Variants in SLC25A12 observed in about 807,000 individuals in gnomAD.
SLC25A12 encodes the protein electrogenic aspartate/glutamate antiporter SLC25A12, mitochondrial.
In SLC25A12, 32 loss-of-function variants were observed where a neutral mutation model predicts 83.3. That is an observed-to-expected ratio of 0.38 (90% CI 0.29 to 0.52). The LOEUF (loss-of-function observed/expected upper bound fraction) is 0.52, where lower values mean the gene tolerates loss of function less well. Among genes scored for constraint, SLC25A12 ranks in the 20% least tolerant of loss-of-function variants. The pLI is 0.84. For missense variants in SLC25A12, 611 were observed against 835.6 expected (o/e 0.73, Z 3.31); for synonymous variants, 267 against 291.1 (o/e 0.92, Z 0.84).
chr2:171,839,335 A>C (rs990798479), intron 5 of SLC25A12, among the ~76,000 whole-genome samples: 2 of 152,224 alleles, frequency 1.3e-5, no homozygotes, highest in Admixed American at 1.3e-4. Flanking sequence ...CATCCTAATG[A>C]AGAAAAACAA....
intron 8 of SLC25A12, among the ~76,000 whole-genome samples, chr2:171,828,539 A>T (rs1367694155): frequency 6.6e-6 from 1 of 152,130 alleles, no homozygotes; most frequent in Non-Finnish European, 1.5e-5. Context: ...TCACCAGATT[A>T]TTTTTATAGA....
intron 10 of SLC25A12, among the ~76,000 whole-genome samples, chr2:171,814,402 A>C (rs967515480): frequency 6.6e-5 from 10 of 152,038 alleles, no homozygotes; most frequent in African/African-American, 2.4e-4. Context: ...AGGAAAACAT[A>C]CAAGCAGAAA....
intron 4 of SLC25A12, among the ~76,000 whole-genome samples, chr2:171,847,696 C>A (rs1393104406): frequency 6.6e-6 from 1 of 152,152 alleles, no homozygotes; most frequent in African/African-American, 2.4e-5. Flanking sequence ...GTATTTTATA[C>A]TAGGTTGGCA....
chr2:171,848,829 G>A (rs1248214848), intron 4 of SLC25A12, among the ~76,000 whole-genome samples: 1 of 152,170 alleles, frequency 6.6e-6, no homozygotes, highest in African/African-American at 2.4e-5. Flanking sequence ...CTACTGCACA[G>A]TCAATAGAGT....
intron 2 of SLC25A12, among the ~76,000 whole-genome samples, chr2:171,888,092 T>C (rs1427259095): frequency 6.6e-6 from 1 of 150,654 alleles, no homozygotes; most frequent in African/African-American, 2.4e-5. Flanking sequence ...TTTTCTTTTT[T>C]CCTTTTTTTT....
At chr2:171,794,214 T>C (rs1214779284) in intron 13 of SLC25A12, among the ~76,000 whole-genome samples, 2 of 152,192 alleles carry the variant, frequency 1.3e-5, no homozygotes, top group Non-Finnish European at 2.9e-5. Context: ...GTGGTAAGCG[T>C]TCTTGGCAGC....
intron 8 of SLC25A12, among the ~76,000 whole-genome samples, chr2:171,831,357 C>A (rs1395644592): frequency 6.6e-6 from 1 of 152,068 alleles, no homozygotes; most frequent in Non-Finnish European, 1.5e-5. Flanking sequence ...CATTACCTGA[C>A]CTTTTTGACT....
At chr2:171,820,277 G>C (rs1684158271) in intron 9 of SLC25A12, among the ~76,000 whole-genome samples, 1 of 152,052 alleles carries the variant, frequency 6.6e-6, no homozygotes, top group Non-Finnish European at 1.5e-5. Context: ...ACACAATCCA[G>C]CTTATATTCC....
intron 15 of SLC25A12, among the ~76,000 whole-genome samples, chr2:171,790,215 C>T (rs1416206000): frequency 6.6e-6 from 1 of 152,210 alleles, no homozygotes; most frequent in East Asian, 1.9e-4. Flanking sequence ...TGATGTTTAG[C>T]CAGAGCCTCC....
At chr2:171,808,470 A>C (rs898342558) in intron 13 of SLC25A12, among the ~76,000 whole-genome samples, 2 of 152,232 alleles carry the variant, frequency 1.3e-5, no homozygotes, top group Non-Finnish European at 2.9e-5. Flanking sequence ...AAAAATTATT[A>C]TTAAACAATG....
intron 3 of SLC25A12, among the ~76,000 whole-genome samples, chr2:171,857,816 A>G (rs888158326): frequency 2.0e-5 from 3 of 152,016 alleles, no homozygotes; most frequent in Non-Finnish European, 4.4e-5. Context: ...ACTTGAGCCC[A>G]GGAGTTCAAG....
At chr2:171,848,130 A>T (rs980100530) in intron 4 of SLC25A12, 1 of 469,342 alleles carries the variant, frequency 2.1e-6, no homozygotes, top group Non-Finnish European at 4.4e-6. Flanking sequence ...TCTTATGGGC[A>T]CTTCCTACTG....
intron 4 of SLC25A12, among the ~76,000 whole-genome samples, chr2:171,844,859 T>C (rs1158925146): frequency 6.6e-6 from 1 of 152,022 alleles, no homozygotes; most frequent in Non-Finnish European, 1.5e-5. Context: ...TCTCAAGGAG[T>C]CGAATTAAAC....
chr2:171,812,278 T>C (rs1242282856), intron 11 of SLC25A12, among the ~76,000 whole-genome samples: 1 of 152,204 alleles, frequency 6.6e-6, no homozygotes, highest in Non-Finnish European at 1.5e-5. Flanking sequence ...CTTGAATACC[T>C]GTATATAATG....
intron 2 of SLC25A12, among the ~76,000 whole-genome samples, chr2:171,889,144 T>C (rs1219053139): frequency 6.6e-6 from 1 of 152,180 alleles, no homozygotes; most frequent in African/African-American, 2.4e-5. Context: ...ATCCTCTGCC[T>C]TGCTTTATAT....
At chr2:171,865,759 T>C (rs1685277174) in intron 3 of SLC25A12, among the ~76,000 whole-genome samples, 2 of 152,022 alleles carry the variant, frequency 1.3e-5, no homozygotes, top group South Asian at 2.1e-4. Context: ...GTTTAAAAAT[T>C]ATTGGCTCAG....
At chr2:171,879,899 T>A (rs758861354) in intron 2 of SLC25A12, among the ~76,000 whole-genome samples, 2 of 152,210 alleles carry the variant, frequency 1.3e-5, no homozygotes, top group Non-Finnish European at 2.9e-5. Context: ...AATGTATGAA[T>A]CTAGCTTGGA....
In SLC25A12 at chr2:171,787,932, G is replaced by A; in HGVS notation, c.1601C>T (p.Ser534Phe). The change falls in exon 16 of 18, where the codon TCT becomes TTT. Residue 534 changes from serine (S) to phenylalanine (F), a missense_variant. Transcript: ENST00000422440. ...AGAMAGVPAASLVTPADVIKT... is the reference protein window; with the variant it reads ...AGAMAGVPAAFLVTPADVIKT... ...GATGACATCAGCAGGGGTCACCAGA[G>A]ATGCAGCTGGGACACCTTTCAGGAG... The A allele has an allele frequency of 1.9e-6, 3 of 1,614,242 alleles. No individual in the cohort carries two copies. Among genetic ancestry groups the A allele is most frequent in the Non-Finnish European group, 2.5e-6 (3 of 1,180,044 alleles).
Position 171,793,083 on chromosome 2 carries a change from T to C in SLC25A12, c.1446+544A>G, listed in dbSNP as rs147640793. Among the ~76,000 whole-genome samples, 236 of 152,004 alleles carry C rather than the reference T, an allele frequency of 1.6e-3. 1 individual carries two copies. Among genetic ancestry groups the C allele is most frequent in the African/African-American group, 5.4e-3 (226 of 41,486 alleles). ...ACCCGCAGGGAAGGAATCTTTTGAC[T>C]GGCATTTTGTTAAAGTACAGTACAC... is the stretch of plus-strand genomic sequence containing the variant. On this transcript the variant is annotated intron_variant, in intron 14 of 17. Coordinates refer to ENST00000422440, the MANE Select transcript of SLC25A12 (RefSeq NM_003705.5).
Sources: gnomAD v4.1 joint callset for allele counts (sites outside exome capture counted in the v4.1 genomes callset) on GRCh38, gnomAD v4.1.1 for gene constraint, MANE v1.5 for transcripts, NCBI Gene and HGNC (gene_info 2026-07-23, HGNC 2026-07-21) for gene names.